Variants in CD109 observed in about 807,000 individuals in gnomAD.
The protein encoded by CD109 is CD109 molecule.
Under a neutral mutation model 165.8 loss-of-function variants are expected in CD109, and 149 were observed. That is an observed-to-expected ratio of 0.90 (90% CI 0.79 to 1.03). The LOEUF is 1.03. Among genes scored for constraint, CD109 ranks in the 50% least tolerant of loss-of-function variants. The probability of loss-of-function intolerance (pLI) is 0.00; values close to 1 mark genes in which losing one functional copy is unlikely to be tolerated. For synonymous variants in CD109, 585 were observed against 592.1 expected (o/e 0.99, Z 0.18); for missense variants, 1,712 against 1,677.8 (o/e 1.02, Z -0.36).
At chr6:73,728,554 C>T (rs912110464) in intron 3 of CD109, among the ~76,000 whole-genome samples, 5 of 152,184 alleles carry the variant, frequency 3.3e-5, no homozygotes, top group African/African-American at 1.2e-4. Flanking sequence ...TCTTTCTATC[C>T]ATCCATTAGT....
intron 9 of CD109, among the ~76,000 whole-genome samples, chr6:73,763,317 A>G (rs992911354): frequency 1.3e-5 from 2 of 150,882 alleles, no homozygotes; most frequent in Non-Finnish European, 3.0e-5. Context: ...GCAAAAGACT[A>G]TTCTTTCATT....
At chr6:73,718,586 A>G (rs1476692392) in intron 2 of CD109, among the ~76,000 whole-genome samples, 1 of 148,866 alleles carries the variant, frequency 6.7e-6, no homozygotes, top group East Asian at 2.0e-4. Flanking sequence ...TTTTTTTTAT[A>G]TTCAGAGTCA....
At chr6:73,800,381 T>A (rs1775320918) in intron 23 of CD109, among the ~76,000 whole-genome samples, 1 of 152,230 alleles carries the variant, frequency 6.6e-6, no homozygotes, top group Admixed American at 6.5e-5. Flanking sequence ...TTCCATTATG[T>A]TACAATTACA....
At chr6:73,763,824 T>C in intron 10 of CD109, 139 bp downstream of exon 10, 4 of 412,826 alleles carry the variant, frequency 9.7e-6, no homozygotes, top group Non-Finnish European at 1.7e-5. Flanking sequence ...ATGTGGGGCA[T>C]GTAGATTTGT....
chr6:73,823,589 A>G lies in CD109; in HGVS notation c.4294A>G (p.Ile1432Val). 1.2e-6 allele frequency: 2 copies of G among 1,612,926 alleles called. No individual in the cohort carries two copies. The highest frequency in any genetic ancestry group is 2.2e-5 in the East Asian group (1 of 44,838). The change falls in exon 33 of 33, where the codon ATT (isoleucine) becomes GTT (valine). Residue 1432 changes from isoleucine to valine, a missense_variant. Coordinates refer to ENST00000287097, the MANE Select transcript of CD109 (RefSeq NM_133493.5). ...CCATCATCACTCTTCAGTCATTTTT[A>G]TTTTCTGTTTCAAGCTTCTGTACTT... ...GSHHHSSVIF[I>V]FCFKLLYFME...
intron 19 of CD109, 49 bp downstream of exon 19, chr6:73,783,873 A>G (rs370890625): frequency 5.8e-5 from 59 of 1,019,818 alleles, no homozygotes; most frequent in Non-Finnish European, 1.8e-5. Context: ...CATTAAGCTA[A>G]TACAGCGTCA....
At chr6:73,767,983 T>C in intron 13 of CD109, 72 bp from the exon 14 acceptor site, 1 of 1,261,808 alleles carries the variant, frequency 7.9e-7, no homozygotes, top group Non-Finnish European at 1.1e-6. Flanking sequence ...CATACAATTA[T>C]GATTAATGTA....
At chr6:73,738,073 A>G (rs1291181566) in intron 5 of CD109, among the ~76,000 whole-genome samples, 1 of 152,246 alleles carries the variant, frequency 6.6e-6, no homozygotes, top group Non-Finnish European at 1.5e-5. Flanking sequence ...GGTGACATGA[A>G]CAATATGATA....
intron 6 of CD109, 61 bp from the exon 7 acceptor site, chr6:73,758,883 T>G (rs1773502714): frequency 1.2e-6 from 1 of 857,052 alleles, no homozygotes; most frequent in African/African-American, 1.7e-5. Flanking sequence ...CTTTAAAAGA[T>G]TTACCCTTGC....
chr6:73,802,305 A>ATATATATATATTTTTTTT (rs1554183463), intron 23 of CD109, among the ~76,000 whole-genome samples: 1 of 47,608 alleles, frequency 2.1e-5, no homozygotes, highest in African/African-American at 8.5e-5. Context: ...ATATATATAT[A>ATATATATATATTTTTTTT]TTTTTTTTTT....
At chr6:73,778,949 T>G (rs1217569922) in intron 15 of CD109, among the ~76,000 whole-genome samples, 2 of 152,208 alleles carry the variant, frequency 1.3e-5, no homozygotes, top group Non-Finnish European at 2.9e-5. Context: ...ATTTGCTATT[T>G]TTACCATTTT....
intron 2 of CD109, among the ~76,000 whole-genome samples, chr6:73,704,348 A>T (rs553730058): frequency 6.6e-6 from 1 of 152,092 alleles, no homozygotes; most frequent in Non-Finnish European, 1.5e-5. Flanking sequence ...GCCTGTGATG[A>T]TTCATGGCGG....
the CD109 span, among the ~76,000 whole-genome samples, chr6:73,690,305 A>G: frequency 6.6e-6 from 1 of 152,312 alleles, no homozygotes; most frequent in East Asian, 1.9e-4. Flanking sequence ...GTAACTTCCT[A>G]AAATGAATTT....
chr6:73,792,318 C>T (rs1380300052), intron 22 of CD109, among the ~76,000 whole-genome samples: 1 of 152,028 alleles, frequency 6.6e-6, no homozygotes, highest in African/African-American at 2.4e-5. Flanking sequence ...TCTTACTGAT[C>T]AATTCTGTAC....
chr6:73,681,379 A>C, the CD109 span, among the ~76,000 whole-genome samples: 1 of 143,600 alleles, frequency 7.0e-6, no homozygotes, highest in African/African-American at 2.5e-5. Flanking sequence ...GAGACATTTA[A>C]GATCCACTCT....
chr6:73,696,288 G>T lies in CD109; in HGVS notation c.73G>T (p.Gly25Trp). Residue 25 changes from glycine (G) to tryptophan (W), a missense_variant and splice_region_variant, in exon 1 of 33, where the codon GGG (glycine) becomes TGG (tryptophan). Coordinates refer to ENST00000287097, the MANE Select transcript of CD109 (RefSeq NM_133493.5). ...VCTAALAVAPGPRFLVTAPGI... is the reference protein window; with the variant it reads ...VCTAALAVAPWPRFLVTAPGI... ...CACCGCCGCGCTGGCCGTGGCTCCC[G>T]GGTAGGAACGTGGGCGCGCGGGGGG... The T allele has an allele frequency of 5.3e-6, 8 of 1,519,190 alleles. No individual in the cohort carries two copies. Among genetic ancestry groups the T allele is most frequent in the Non-Finnish European group, 6.1e-6 (7 of 1,139,756 alleles). The allele number at this position is 1,519,190 out of a possible 1,614,324, so 94.1% of individuals were successfully genotyped here. A position where few individuals can be genotyped will look rare whatever the true frequency, so the allele number is the denominator to read the frequency against.
chr6:73,792,953 A>G (rs183635595), intron 23 of CD109, 151 bp downstream of exon 23: 132 of 602,594 alleles, frequency 2.2e-4, no homozygotes, highest in Middle Eastern at 4.5e-4. Context: ...AGTGCAAACA[A>G]TGGAAAGCTG....
chr6:73,748,592 A>G (rs1205256376), intron 5 of CD109, among the ~76,000 whole-genome samples: 1 of 152,228 alleles, frequency 6.6e-6, no homozygotes, highest in Non-Finnish European at 1.5e-5. Flanking sequence ...CGCAATGAAT[A>G]TCTCTTGAAG....
rs1218788924 is a variant in CD109, at chr6:73,825,156, A to T, written c.*1523A>T. Reference sequence around the variant, plus strand: ...CATATATTGCTTATGGATATTTTGGATACCAAAGTAGGAATAACTGACATT... The same window carrying T: ...CATATATTGCTTATGGATATTTTGGTTACCAAAGTAGGAATAACTGACATT... On this transcript the variant is annotated 3_prime_UTR_variant, in exon 33 of 33. Coordinates refer to ENST00000287097, the MANE Select transcript of CD109 (RefSeq NM_133493.5). 6.6e-6 allele frequency: 1 copy of T among 152,226 alleles called. No homozygotes were observed. The highest frequency in any genetic ancestry group is 1.9e-4 in the East Asian group (1 of 5,208). 9.4% of individuals were successfully genotyped at this position (152,226 alleles called of 1,614,324 possible).
Sources: gnomAD v4.1 joint callset for allele counts (sites outside exome capture counted in the v4.1 genomes callset) on GRCh38, gnomAD v4.1.1 for gene constraint, MANE v1.5 for transcripts, NCBI Gene and HGNC (gene_info 2026-07-23, HGNC 2026-07-21) for gene names.